Variants in DIP2C observed in about 807,000 individuals in gnomAD.
DIP2C encodes disco-interacting protein 2 homolog C.
DIP2C carries 33 observed loss-of-function variants against 192.4 expected under a neutral mutation model. The ratio of observed to expected loss-of-function variants is 0.17; its 90% CI spans 0.13 to 0.23. The LOEUF (loss-of-function observed/expected upper bound fraction) is 0.23. Ranked by LOEUF, DIP2C falls within the 10% of genes least tolerant of loss-of-function variation. The probability of loss-of-function intolerance (pLI) is 1.00; values close to 1 mark genes in which losing one functional copy is unlikely to be tolerated. For synonymous variants in DIP2C, 979 were observed against 864.1 expected, an observed-to-expected ratio of 1.13 and a Z score of -2.33; for missense variants, 1,537 against 2,110.1, an observed-to-expected ratio of 0.73 and a Z score of 5.32.
chr10:288,063 G>A (rs753045229), intron 33 of DIP2C, among the ~76,000 whole-genome samples: 78 of 152,280 alleles, frequency 5.1e-4, no homozygotes, highest in South Asian at 1.2e-3. Context: ...GGAAGCAGCC[G>A]CTTCAGCTCC....
intron 1 of DIP2C, among the ~76,000 whole-genome samples, chr10:624,865 C>T (rs899887648): frequency 1.1e-4 from 16 of 151,752 alleles, no homozygotes; most frequent in Admixed American, 6.6e-5. Context: ...TGCATGTGGC[C>T]GGGAGAACCC....
rs934476563 is a variant in DIP2C at position 650,506 on chromosome 10, C to CT, written c.85+38987dup. The CT allele has an allele frequency of 2.3e-5, 16 of 693,710 alleles. No individual in the cohort carries two copies. In the African/African-American group the frequency reaches 2.6e-4, roughly 11 times the overall value. The allele number at this position is 693,710 out of a possible 1,614,324, so 43.0% of individuals were successfully genotyped here. A position where few individuals can be genotyped will look rare whatever the true frequency, so the allele number is the denominator to read the frequency against. On this transcript the variant is annotated intron_variant, in intron 1 of 36. Transcript: ENST00000280886. Reference sequence around the variant, plus strand: ...CCACTTCTACTGGGTTCCCTATACTCTTCCCCTGCCCCAGCTGGTCCCCCC... The same window carrying CT: ...CCACTTCTACTGGGTTCCCTATACTCTTTCCCCTGCCCCAGCTGGTCCCCCC...
At chr10:615,126 C>T (rs1457898520) in intron 1 of DIP2C, among the ~76,000 whole-genome samples, 4 of 152,200 alleles carry the variant, frequency 2.6e-5, no homozygotes, top group African/African-American at 9.7e-5. Flanking sequence ...CCGTGATTCC[C>T]ACGACACACG....
chr10:574,065 A>C (rs1384005539), intron 1 of DIP2C, among the ~76,000 whole-genome samples: 2 of 152,260 alleles, frequency 1.3e-5, no homozygotes, highest in Admixed American at 6.5e-5. Flanking sequence ...AGAAAACTGC[A>C]TAGCAGATTT....
intron 3 of DIP2C, among the ~76,000 whole-genome samples, chr10:445,286 GTC>G (rs1313222562): frequency 1.3e-5 from 2 of 152,062 alleles, no homozygotes; most frequent in East Asian, 1.9e-4. Flanking sequence ...GTTGTGAAGA[GTC>G]TATCTTGCAC....
At chr10:278,667 T>C (rs1354186554) in intron 36 of DIP2C, among the ~76,000 whole-genome samples, 4 of 152,264 alleles carry the variant, frequency 2.6e-5, no homozygotes, top group Non-Finnish European at 5.9e-5. Context: ...TTCTGGAATA[T>C]GGAAGATTCA....
intron 10 of DIP2C, among the ~76,000 whole-genome samples, chr10:398,073 A>G (rs1964135232): frequency 6.6e-6 from 1 of 152,204 alleles, no homozygotes; most frequent in Non-Finnish European, 1.5e-5. Context: ...CTCAAAATAT[A>G]TTTCTTTGAC....
At chr10:426,441 T>G (rs1423633713) in intron 4 of DIP2C, among the ~76,000 whole-genome samples, 1 of 152,254 alleles carries the variant, frequency 6.6e-6, no homozygotes, top group Non-Finnish European at 1.5e-5. Flanking sequence ...AACTGTTCCA[T>G]TAATTCAAGG....
At chr10:425,073 A>G (rs112362260) in intron 4 of DIP2C, among the ~76,000 whole-genome samples, 6 of 76,496 alleles carry the variant, frequency 7.8e-5, no homozygotes, top group South Asian at 6.6e-4. Context: ...CGGATGATAC[A>G]GCATGACCAG....
chr10:386,128 G>GAA (rs1962882110), intron 14 of DIP2C, among the ~76,000 whole-genome samples: 1 of 152,216 alleles, frequency 6.6e-6, no homozygotes, highest in Non-Finnish European at 1.5e-5. Context: ...GTCACAGCCG[G>GAA]AAAGTTGGGT....
At chr10:280,499 C>T (rs1182738923) in intron 36 of DIP2C, among the ~76,000 whole-genome samples, 1 of 151,640 alleles carries the variant, frequency 6.6e-6, no homozygotes, top group Non-Finnish European at 1.5e-5. Context: ...GCCTGTAAAA[C>T]TCCCCGGCCC....
intron 1 of DIP2C, among the ~76,000 whole-genome samples, chr10:542,126 G>A (rs946796240): frequency 6.6e-6 from 1 of 152,152 alleles, no homozygotes; most frequent in African/African-American, 2.4e-5. Context: ...AACACCTTGA[G>A]GCCACATCCC....
At chr10:496,664 G>A (rs761243545) in intron 1 of DIP2C, among the ~76,000 whole-genome samples, 2 of 150,004 alleles carry the variant, frequency 1.3e-5, no homozygotes, top group Non-Finnish European at 3.0e-5. Context: ...GTGACCTCCC[G>A]TGTACTTAAA....
chr10:544,002 T>TA (rs559928646), intron 1 of DIP2C, among the ~76,000 whole-genome samples: 1 of 152,268 alleles, frequency 6.6e-6, no homozygotes, highest in South Asian at 2.1e-4. Context: ...AGTGGGCACA[T>TA]AGTGCGTGAC....
At chr10:667,913 A>G (rs1368186146) in intron 1 of DIP2C, 1 of 152,310 alleles carries the variant, frequency 6.6e-6, no homozygotes, top group Non-Finnish European at 1.5e-5. Context: ...CATGTACAAC[A>G]CATGCAACTC....
In DIP2C at chr10:341,251, T is replaced by C; in HGVS notation, c.3532A>G (p.Ile1178Val). 1 of 1,614,176 alleles carries C rather than the reference T, an allele frequency of 6.2e-7. No individual in the cohort carries two copies. Among genetic ancestry groups the C allele is most frequent in the East Asian group, 2.2e-5 (1 of 44,870 alleles). ...CELYPSREVAICLDPYCGLGF... is the reference protein window; with the variant it reads ...CELYPSREVAVCLDPYCGLGF... ...AGTCCACAGTAAGGGTCCAGGCAGA[T>C]GGCCACTTCTCTAGAGGGGTAAAGT... Residue 1178 changes from isoleucine (I) to valine (V), a missense_variant, in exon 29 of 37, where the codon ATC becomes GTC. By Grantham distance (29) the Ile-to-Val change is conservative (BLOSUM62 3). Around this residue, in one of 4 missense-constraint regions of DIP2C, gnomAD observed 341 missense variants for 551.7 expected, o/e 0.62. Coordinates refer to ENST00000280886, the MANE Select transcript of DIP2C (RefSeq NM_014974.3).
At chr10:657,527 C>T (rs111164629) in intron 1 of DIP2C, among the ~76,000 whole-genome samples, 4,954 of 34,752 alleles carry the variant, frequency 0.14, 9 homozygotes, top group African/African-American at 0.24. Context: ...CTGGACCTGC[C>T]GCTAGACCTG....
intron 2 of DIP2C, among the ~76,000 whole-genome samples, chr10:478,950 T>G (rs1843385810): frequency 6.6e-6 from 1 of 152,128 alleles, no homozygotes; most frequent in Non-Finnish European, 1.5e-5. Context: ...TCTCCTGCCC[T>G]CCTTCCCCAG....
intron 1 of DIP2C, among the ~76,000 whole-genome samples, chr10:600,711 T>A (rs1479182157): frequency 6.6e-6 from 1 of 152,192 alleles, no homozygotes; most frequent in East Asian, 1.9e-4. Context: ...CTTTTCACCT[T>A]AAGGAGATTT....
Sources: allele counts gnomAD v4.1 joint callset (sites outside exome capture counted in the v4.1 genomes callset), GRCh38; gene constraint gnomAD v4.1.1; regional missense constraint gnomAD v4.1.1; transcripts MANE v1.5; gene names NCBI Gene and HGNC (gene_info 2026-07-23, HGNC 2026-07-21).